The following PRKCB variants were observed in gnomAD, a reference collection of about 807,000 sequenced individuals.
PRKCB encodes the protein protein kinase C beta.
Under a neutral mutation model 81.5 loss-of-function variants are expected in PRKCB, and 13 were observed. The ratio of observed to expected loss-of-function variants is 0.16; its 90% CI spans 0.10 to 0.25. PRKCB has a LOEUF of 0.25. Ranked by LOEUF, PRKCB falls within the 10% of genes least tolerant of loss-of-function variation. The pLI is 1.00. For synonymous variants in PRKCB, 335 were observed against 321.4 expected (o/e 1.04, Z -0.45); for missense variants, 509 against 875.7 (o/e 0.58, Z 5.29).
intron 5 of PRKCB, among the ~76,000 whole-genome samples, chr16:24,082,790 A>G (rs1966266630): frequency 6.6e-6 from 1 of 152,296 alleles, no homozygotes; most frequent in South Asian, 2.1e-4. Context: ...GTAGTTATAC[A>G]AAGAGTTCTT....
chr16:24,031,484 C>T (rs1235410711), intron 3 of PRKCB, among the ~76,000 whole-genome samples: 1 of 152,218 alleles, frequency 6.6e-6, no homozygotes, highest in African/African-American at 2.4e-5. Flanking sequence ...GGCCAGAACT[C>T]AGCACCATGG....
At chr16:24,046,398 G>C (rs933088151) in intron 5 of PRKCB, among the ~76,000 whole-genome samples, 2 of 152,192 alleles carry the variant, frequency 1.3e-5, no homozygotes, top group African/African-American at 4.8e-5. Flanking sequence ...CTAATGATGG[G>C]AGATGAAGAG....
At chr16:24,011,413 G>T (rs1567343380) in intron 3 of PRKCB, among the ~76,000 whole-genome samples, 1 of 152,222 alleles carries the variant, frequency 6.6e-6, no homozygotes, top group Non-Finnish European at 1.5e-5. Flanking sequence ...TTGTGGCCTT[G>T]CAAGTTAATA....
At chr16:23,866,912 CCTTCT>C (rs539738663) in intron 2 of PRKCB, among the ~76,000 whole-genome samples, 40 of 151,606 alleles carry the variant, frequency 2.6e-4, no homozygotes, top group East Asian at 5.8e-4. Flanking sequence ...TTTCCTGTCC[CCTTCT>C]CTTCTCTTCT....
intron 10 of PRKCB, among the ~76,000 whole-genome samples, chr16:24,161,046 C>T (rs887824288): frequency 4.0e-5 from 6 of 151,854 alleles, no homozygotes; most frequent in African/African-American, 7.3e-5. Context: ...ATATAACATG[C>T]TGTAAATTTG....
At chr16:24,155,873 C>T (rs1481231768) in intron 10 of PRKCB, among the ~76,000 whole-genome samples, 1 of 152,132 alleles carries the variant, frequency 6.6e-6, no homozygotes, top group African/African-American at 2.4e-5. Context: ...AACATGTTTC[C>T]TCTGTCTTCT....
intron 9 of PRKCB, among the ~76,000 whole-genome samples, chr16:24,140,039 C>G (rs1180660416): frequency 6.6e-6 from 1 of 152,218 alleles, no homozygotes; most frequent in Non-Finnish European, 1.5e-5. Context: ...AGTCTGAAAT[C>G]ATTTTTAGAC....
chr16:24,061,799 C>A (rs1965975570), intron 5 of PRKCB, among the ~76,000 whole-genome samples: 1 of 149,770 alleles, frequency 6.7e-6, no homozygotes, highest in African/African-American at 2.5e-5. Context: ...ATACACTGGG[C>A]AATTTGTTAA....
At chr16:23,917,963 C>T (rs549714590) in intron 2 of PRKCB, among the ~76,000 whole-genome samples, 3 of 152,214 alleles carry the variant, frequency 2.0e-5, no homozygotes, top group East Asian at 1.9e-4. Flanking sequence ...GGTGATCTTA[C>T]GTGACTAGCC....
chr16:24,076,588 G>A (rs182121962), intron 5 of PRKCB, among the ~76,000 whole-genome samples: 1 of 152,266 alleles, frequency 6.6e-6, no homozygotes, highest in South Asian at 2.1e-4. Context: ...GCATGGTCTG[G>A]GGGGAGGAGC....
intron 2 of PRKCB, among the ~76,000 whole-genome samples, chr16:23,894,512 C>T (rs748081438): frequency 6.6e-6 from 1 of 152,038 alleles, no homozygotes; most frequent in Non-Finnish European, 1.5e-5. Context: ...TTAATTTCCC[C>T]CCAGAAAATA....
chr16:23,895,971 A>G (rs1156627863), intron 2 of PRKCB, among the ~76,000 whole-genome samples: 3 of 151,912 alleles, frequency 2.0e-5, no homozygotes, highest in East Asian at 3.9e-4. Context: ...TTCATTTTGG[A>G]TCATTTTATT....
intron 2 of PRKCB, among the ~76,000 whole-genome samples, chr16:23,882,021 T>TTTTTCTTTCTTCCTTCCTTC (rs1555481692): frequency 1.8e-5 from 1 of 55,592 alleles, no homozygotes; most frequent in South Asian, 8.5e-4. Context: ...TTTCTTTCTT[T>TTTTTCTTTCTTCCTTCCTTC]CTTCCTTCCT....
rs1033131566 is a variant in PRKCB, at chr16:24,005,597, G to C, written c.288+17007G>C. 2.0e-5 allele frequency among the ~76,000 whole-genome samples: 3 copies of C among 152,218 alleles called. No individual in the cohort carries two copies. The South Asian group carries it at 6.2e-4, about 32-fold the overall frequency. ...CCTCCATCCGCTGGGAGTCAGCTCA[G>C]TTCCTGGACTGAGCATCTTCAGGTG... On this transcript the variant is annotated intron_variant, in intron 3 of 16. Transcript: ENST00000643927.
chr16:24,112,543 G>GCAACAACAA (rs937779086), intron 7 of PRKCB, among the ~76,000 whole-genome samples: 3 of 149,710 alleles, frequency 2.0e-5, no homozygotes, highest in African/African-American at 7.6e-5. Flanking sequence ...ATCTCTAAAA[G>GCAACAACAA]CAACAACAAC....
intron 5 of PRKCB, among the ~76,000 whole-genome samples, chr16:24,088,975 G>T (rs1966343119): frequency 6.6e-6 from 1 of 152,140 alleles, no homozygotes; most frequent in Admixed American, 6.5e-5. Context: ...CAACCAGACA[G>T]ACAAGCTTCT....
At chr16:24,080,031 T>C (rs1209260430) in intron 5 of PRKCB, among the ~76,000 whole-genome samples, 1 of 152,218 alleles carries the variant, frequency 6.6e-6, no homozygotes, top group East Asian at 1.9e-4. Context: ...ATATTATTAA[T>C]AGATTTTCTA....
At chr16:23,991,651 A>T (rs897354622) in intron 3 of PRKCB, among the ~76,000 whole-genome samples, 3 of 152,256 alleles carry the variant, frequency 2.0e-5, no homozygotes, top group Non-Finnish European at 2.9e-5. Context: ...GGCTTCAAGC[A>T]CAGTGAATCA....
intron 2 of PRKCB, among the ~76,000 whole-genome samples, chr16:23,874,977 C>T (rs968967410): frequency 6.6e-6 from 1 of 151,886 alleles, no homozygotes; most frequent in African/African-American, 2.4e-5. Flanking sequence ...AGCCTGATCA[C>T]CCATCTTTTC....
Sources: allele counts gnomAD v4.1 joint callset (sites outside exome capture counted in the v4.1 genomes callset), GRCh38; gene constraint gnomAD v4.1.1; transcripts MANE v1.5; gene names NCBI Gene and HGNC (gene_info 2026-07-23, HGNC 2026-07-21).